PTPRR: variants seen among roughly 807,000 people sequenced by gnomAD.
The protein encoded by PTPRR is receptor-type tyrosine-protein phosphatase R.
PTPRR carries 38 observed loss-of-function variants against 77.2 expected under a neutral mutation model. The ratio of observed to expected loss-of-function variants is 0.49; its 90% confidence interval spans 0.38 to 0.65. The LOEUF is 0.65. Among genes scored for constraint, PTPRR ranks in the 30% least tolerant of loss-of-function variants. The pLI is 0.00. For synonymous variants in PTPRR, 299 were observed against 283.1 expected (o/e 1.06, Z -0.57); for missense variants, 744 against 799.2 (o/e 0.93, Z 0.83).
intron 2 of PTPRR, among the ~76,000 whole-genome samples, chr12:70,774,564 A>T (rs1464414158): frequency 1.3e-5 from 2 of 152,214 alleles, no homozygotes; most frequent in Non-Finnish European, 2.9e-5. Flanking sequence ...AATTGAAATC[A>T]TCTGGTTCAT....
chr12:70,750,077 A>G (rs748910110), intron 5 of PTPRR, among the ~76,000 whole-genome samples: 5 of 152,190 alleles, frequency 3.3e-5, no homozygotes, highest in Non-Finnish European at 5.9e-5. Context: ...CCCACTGCAC[A>G]TTCACATTTG....
intron 2 of PTPRR, among the ~76,000 whole-genome samples, chr12:70,884,871 CA>C (rs529547383): frequency 0.3 from 16,221 of 53,338 alleles, 612 homozygotes; most frequent in African/African-American, 0.39. Context: ...AACTCTGTCT[CA>C]AAAAAAAAAA....
intron 2 of PTPRR, among the ~76,000 whole-genome samples, chr12:70,844,775 T>A (rs1892455888): frequency 6.6e-6 from 1 of 152,038 alleles, no homozygotes; most frequent in South Asian, 2.1e-4. Flanking sequence ...GTGCCCAATT[T>A]ACAGAAAGTA....
intron 6 of PTPRR, among the ~76,000 whole-genome samples, chr12:70,716,157 C>T (rs1936623470): frequency 6.6e-6 from 1 of 152,138 alleles, no homozygotes; most frequent in African/African-American, 2.4e-5. Flanking sequence ...CTCTTTACCT[C>T]TTTTATCTAT....
Position 70,684,259 on chromosome 12 carries a change from G to A in PTPRR, c.1365C>T (p.Tyr455=). 6.2e-7 allele frequency: 1 copy of A among 1,612,908 alleles called. No individual in the cohort carries two copies. The highest frequency in any genetic ancestry group is 8.5e-7 in the Non-Finnish European group (1 of 1,179,450). ...TYINANYIRG[Y]SGKEKAFIAT... Reference sequence around the variant, plus strand: ...CAATGAAGGCTTTCTCCTTGCCACTGTAGCCCTAGATGGAGTAAAGAAACA... The same window carrying A: ...CAATGAAGGCTTTCTCCTTGCCACTATAGCCCTAGATGGAGTAAAGAAACA... Residue 455 remains tyrosine, a synonymous_variant, in exon 10 of 14, where the codon TAC becomes TAT. Transcript: ENST00000283228.
chr12:70,683,637 A>G (rs1011424434), intron 10 of PTPRR, among the ~76,000 whole-genome samples: 3 of 152,092 alleles, frequency 2.0e-5, no homozygotes, highest in African/African-American at 7.2e-5. Context: ...TCTTTCCTAT[A>G]GCATTTAATC....
rs1159349263 is a variant in PTPRR, at chr12:70,745,707, G to A, written c.1007+111C>T. On this transcript the variant is annotated intron_variant, in intron 6 of 13. Transcript: ENST00000283228. ...TACTTCATCTGACTGTCCATTTAGT[G>A]GTGAACAATTCTACCCAATTATGTC... 9.7e-6 allele frequency: 12 copies of A among 1,242,814 alleles called. No individual in the cohort carries two copies. In the African/African-American group the frequency reaches 1.7e-4, roughly 17 times the overall value. The allele number at this position is 1,242,814 out of a possible 1,614,324, so 77.0% of individuals were successfully genotyped here. A position where few individuals can be genotyped will look rare whatever the true frequency, so the allele number is the denominator to read the frequency against.
At chr12:70,810,091 C>G (rs546666755) in intron 2 of PTPRR, among the ~76,000 whole-genome samples, 59 of 152,250 alleles carry the variant, frequency 3.9e-4, no homozygotes, top group African/African-American at 1.3e-3. Context: ...GTGACGTCAT[C>G]ATGTTTCACT....
At chr12:70,739,016 C>T (rs1225068799) in intron 6 of PTPRR, among the ~76,000 whole-genome samples, 2 of 152,120 alleles carry the variant, frequency 1.3e-5, no homozygotes, top group Non-Finnish European at 1.5e-5. Context: ...TATTAGATAA[C>T]ATTTACTGGC....
intron 10 of PTPRR, among the ~76,000 whole-genome samples, chr12:70,673,446 T>C (rs1887322167): frequency 6.6e-6 from 1 of 152,272 alleles, no homozygotes; most frequent in African/African-American, 2.4e-5. Flanking sequence ...CCTTGTGAGA[T>C]ATTGTTTCAC....
intron 1 of PTPRR, among the ~76,000 whole-genome samples, chr12:70,899,747 C>T (rs898180106): frequency 5.3e-5 from 8 of 151,244 alleles, no homozygotes; most frequent in African/African-American, 1.9e-4. Flanking sequence ...AGACATAAAA[C>T]TGTTCTATTT....
chr12:70,752,393 T>G (rs948331081), intron 5 of PTPRR, among the ~76,000 whole-genome samples: 1 of 152,194 alleles, frequency 6.6e-6, no homozygotes, highest in Admixed American at 6.5e-5. Flanking sequence ...TTTGCAAATA[T>G]TGGGAAAAGA....
chr12:70,811,014 C>T (rs894024031), intron 2 of PTPRR, among the ~76,000 whole-genome samples: 5 of 151,864 alleles, frequency 3.3e-5, no homozygotes, highest in Non-Finnish European at 4.4e-5. Context: ...GTCAGTGTGC[C>T]CTTAGGTATC....
intron 8 of PTPRR, among the ~76,000 whole-genome samples, chr12:70,693,534 G>C (rs560780805): frequency 1.3e-5 from 2 of 152,044 alleles, no homozygotes; most frequent in Non-Finnish European, 2.9e-5. Context: ...TTTTTTGTGT[G>C]TGTGGAAATG....
chr12:70,741,369 T>C (rs182742959), intron 6 of PTPRR, among the ~76,000 whole-genome samples: 1 of 152,194 alleles, frequency 6.6e-6, no homozygotes, highest in Admixed American at 6.5e-5. Flanking sequence ...GGAGCCTCCA[T>C]ACAGAAGAGA....
At chr12:70,781,485 T>C (rs1891201573) in intron 2 of PTPRR, among the ~76,000 whole-genome samples, 1 of 152,166 alleles carries the variant, frequency 6.6e-6, no homozygotes, top group African/African-American at 2.4e-5. Context: ...TCAAGGTGCA[T>C]TGGGAGGGCA....
intron 5 of PTPRR, among the ~76,000 whole-genome samples, chr12:70,751,030 C>T (rs897156505): frequency 1.3e-5 from 2 of 152,044 alleles, no homozygotes; most frequent in Admixed American, 6.6e-5. Flanking sequence ...TGAGCCACTG[C>T]ACTTGGTCCC....
At chr12:70,894,393 C>A (rs1287818180) in intron 1 of PTPRR, among the ~76,000 whole-genome samples, 1 of 151,566 alleles carries the variant, frequency 6.6e-6, no homozygotes, top group Non-Finnish European at 1.5e-5. Flanking sequence ...TACAATATAC[C>A]TTTCCCAAAG....
At chr12:70,827,908 G>A (rs897250272) in intron 2 of PTPRR, among the ~76,000 whole-genome samples, 1 of 151,780 alleles carries the variant, frequency 6.6e-6, no homozygotes, top group Non-Finnish European at 1.5e-5. Flanking sequence ...TTTTAGTAGA[G>A]ACGGGTTTCA....
Sources: allele counts gnomAD v4.1 joint callset (sites outside exome capture counted in the v4.1 genomes callset), GRCh38; gene constraint gnomAD v4.1.1; transcripts MANE v1.5; gene names NCBI Gene and HGNC (gene_info 2026-07-23, HGNC 2026-07-21).